CACNA2D4: variants seen among roughly 807,000 people sequenced by gnomAD.
CACNA2D4 encodes voltage-dependent calcium channel subunit alpha-2/delta-4.
In CACNA2D4, 157 loss-of-function variants were observed where a neutral mutation model predicts 163.8. The observed-to-expected ratio is 0.96, with a 90% CI of 0.84 to 1.09. CACNA2D4 has a LOEUF of 1.09. Ranked by LOEUF, CACNA2D4 falls within the 50% of genes least tolerant of loss-of-function variation. The pLI, the probability that CACNA2D4 is intolerant of heterozygous loss-of-function variation, is 0.00. For missense variants in CACNA2D4, 1,410 were observed against 1,479.9 expected (o/e 0.95, Z 0.78); for synonymous variants, 598 against 586.9 (o/e 1.02, Z -0.27).
At position 1,834,190 on chromosome 12, in the gene CACNA2D4, T is replaced by C. The variant is rs1163000996; in HGVS notation, c.2551+6549A>G. The C allele has an allele frequency of 2.0e-6, 3 of 1,482,572 alleles. No homozygotes were observed. Among genetic ancestry groups the C allele is most frequent in the Non-Finnish European group, 2.7e-6 (3 of 1,112,546 alleles). 91.8% of individuals were successfully genotyped at this position (1,482,572 alleles called of 1,614,324 possible). A position where few individuals can be genotyped will look rare whatever the true frequency, so the allele number is the denominator to read the frequency against. The stretch of plus-strand genomic sequence containing the variant: ...AAACTACCTTCTGGGGCTTCCGTTT[T>C]GGGGAGCTGGGGATGGGGAGAGGGA... On this transcript the variant is annotated intron_variant, in intron 26 of 37. Coordinates refer to ENST00000382722, the MANE Select transcript of CACNA2D4 (RefSeq NM_172364.5). The surrounding 1 kb of genome is among the most constrained non-coding windows in gnomAD (Gnocchi z 7.6).
intron 2 of CACNA2D4, 113 bp downstream of exon 2, chr12:1,914,741 A>G: frequency 1.4e-6 from 1 of 717,544 alleles, no homozygotes; most frequent in South Asian, 1.7e-5. Context: ...CCCCATCTGA[A>G]ATAAACCGAT....
Position 1,834,639 on chromosome 12 carries a change from G to C in CACNA2D4, c.2551+6100C>G, listed in dbSNP as rs762791910. The C allele has an allele frequency of 6.2e-7, 1 of 1,600,558 alleles. No homozygotes were observed. Among genetic ancestry groups the C allele is most frequent in the East Asian group, 2.2e-5 (1 of 44,866 alleles). On this transcript the variant is annotated intron_variant, in intron 26 of 37. Transcript: ENST00000382722. The surrounding 1 kb of genome is among the most constrained non-coding windows in gnomAD (Gnocchi z 7.6). ...GCCTCCCTCATGGCCAAGTACCACC[G>C]GGAGCTCAAAAAGCGCCAGCCCCTG...
intron 6 of CACNA2D4, 82 bp from the exon 7 acceptor site, chr12:1,887,151 G>T (rs1866168315): frequency 5.4e-6 from 5 of 926,112 alleles, no homozygotes; most frequent in Non-Finnish European, 8.6e-6. Context: ...CCCCAAGATG[G>T]CCATGATCCC....
chr12:1,802,644 C>CGT lies in CACNA2D4; in HGVS notation c.2722-1002_2722-1001dup, dbSNP rs1362865341. On this transcript the variant is annotated intron_variant, in intron 29 of 37. Coordinates refer to ENST00000382722, the MANE Select transcript of CACNA2D4 (RefSeq NM_172364.5). The surrounding 1 kb of genome is among the most constrained non-coding windows in gnomAD (Gnocchi z 4.7). ...GGCTGTCTTTAAAAATTGGGGATAG[C>CGT]GTGTGTCCGGCGTGTGGCTCCCAGT... Among the ~76,000 whole-genome samples, 2 of 152,168 alleles carry CGT rather than the reference C, an allele frequency of 1.3e-5. No individual in the cohort carries two copies. Among genetic ancestry groups the CGT allele is most frequent in the African/African-American group, 4.8e-5 (2 of 41,432 alleles).
In CACNA2D4 at chr12:1,846,655, C is replaced by G. The variant is rs1207374490; in HGVS notation, c.2281G>C (p.Gly761Arg). 18 of 1,603,212 alleles carry G rather than the reference C, an allele frequency of 1.1e-5. No individual in the cohort carries two copies. In the Admixed American group the frequency reaches 2.9e-4, roughly 26 times the overall value. The change falls in exon 24 of 38, where the codon GGC becomes CGC. Residue 761 changes from glycine to arginine, a missense_variant. By Grantham distance (125) the Gly-to-Arg change is moderately radical. Coordinates refer to ENST00000382722, the MANE Select transcript of CACNA2D4 (RefSeq NM_172364.5). ...CTTCTCAGGAGGCCAGCCCGGGTGC[C>G]CAGGAAGGCCATGTCCACCACGTGT... Reference protein sequence around the residue: ...SEHVVDMAFLGTRAGLLRSSL... With the variant: ...SEHVVDMAFLRTRAGLLRSSL...
At chr12:1,821,729 G>C (rs1399636973) in intron 26 of CACNA2D4, among the ~76,000 whole-genome samples, 1 of 152,146 alleles carries the variant, frequency 6.6e-6, no homozygotes, top group Non-Finnish European at 1.5e-5. Flanking sequence ...GACCCATTTG[G>C]ACAGTGCTGG....
chr12:1,916,827 G>A (rs1866994907), intron 1 of CACNA2D4, among the ~76,000 whole-genome samples: 2 of 152,252 alleles, frequency 1.3e-5, no homozygotes, highest in South Asian at 2.1e-4. Flanking sequence ...AGAGAGGTTC[G>A]GCGGGAGTGA....
intron 26 of CACNA2D4, chr12:1,827,846 G>A (rs575561561): frequency 1.2e-4 from 44 of 353,124 alleles, no homozygotes; most frequent in Non-Finnish European, 1.9e-4. Context: ...CCAGCTTTGC[G>A]GCACTGTGCC....
chr12:1,863,653 C>T (rs1365200115), intron 18 of CACNA2D4, among the ~76,000 whole-genome samples: 1 of 152,058 alleles, frequency 6.6e-6, no homozygotes, highest in Non-Finnish European at 1.5e-5. Context: ...TAAATTTATT[C>T]CTAAGTATTT....
At chr12:1,915,491 C>T (rs1333507523) in intron 1 of CACNA2D4, among the ~76,000 whole-genome samples, 1 of 152,188 alleles carries the variant, frequency 6.6e-6, no homozygotes, top group East Asian at 1.9e-4. Flanking sequence ...CAGCTGTGGC[C>T]TCTCAATAAA....
At position 1,831,015 on chromosome 12, in the gene CACNA2D4, C is replaced by G. The variant is rs1203840551; in HGVS notation, c.2551+9724G>C. 5.0e-6 allele frequency: 8 copies of G among 1,614,032 alleles called. No homozygotes were observed. The South Asian group carries it at 8.8e-5, about 18-fold the overall frequency. On this transcript the variant is annotated intron_variant, in intron 26 of 37. Coordinates refer to ENST00000382722, the MANE Select transcript of CACNA2D4 (RefSeq NM_172364.5). ...CTCCTGCAAGTGTGACAGCCGCAGC[C>G]TGGAGGTGGACTGCAGTGGCCTTGG... is the stretch of plus-strand genomic sequence containing the variant.
intron 6 of CACNA2D4, among the ~76,000 whole-genome samples, chr12:1,895,263 C>T (rs1362221120): frequency 6.6e-6 from 1 of 151,942 alleles, no homozygotes; most frequent in Non-Finnish European, 1.5e-5. Flanking sequence ...TGTTTATGGA[C>T]TGGGATAATT....
intron 4 of CACNA2D4, 126 bp downstream of exon 4, chr12:1,909,780 G>A (rs1866768259): frequency 1.3e-6 from 1 of 743,748 alleles, no homozygotes; most frequent in Non-Finnish European, 2.3e-6. Context: ...CCTGTGAGGG[G>A]TGAGCAGTAA....
At chr12:1,887,859 G>A (rs1409935833) in intron 6 of CACNA2D4, among the ~76,000 whole-genome samples, 1 of 152,210 alleles carries the variant, frequency 6.6e-6, no homozygotes, top group Non-Finnish European at 1.5e-5. Flanking sequence ...AATGATTGTA[G>A]CAGTATTATG....
chr12:1,846,186 C>T (rs947944668), intron 24 of CACNA2D4, among the ~76,000 whole-genome samples: 16 of 152,174 alleles, frequency 1.1e-4, no homozygotes, highest in Non-Finnish European at 1.5e-4. Flanking sequence ...AAGATTCAGC[C>T]TGTCACACAG....
intron 18 of CACNA2D4, among the ~76,000 whole-genome samples, chr12:1,868,053 T>C (rs1447477965): frequency 2.0e-5 from 3 of 152,138 alleles, no homozygotes; most frequent in Non-Finnish European, 4.4e-5. Context: ...GAAAACAATA[T>C]GGAGGAGCCT....
At position 1,834,206 on chromosome 12, in the gene CACNA2D4, G is replaced by C. The variant is rs950112154; in HGVS notation, c.2551+6533C>G. ...CTTCCGTTTTGGGGAGCTGGGGATGGGGAGAGGGAGTGCAAGTTCTAGATG... is the reference window on the plus strand; with the variant it reads ...CTTCCGTTTTGGGGAGCTGGGGATGCGGAGAGGGAGTGCAAGTTCTAGATG... On this transcript the variant is annotated intron_variant, in intron 26 of 37. Coordinates refer to ENST00000382722, the MANE Select transcript of CACNA2D4 (RefSeq NM_172364.5). The surrounding 1 kb of genome is among the most constrained non-coding windows in gnomAD (Gnocchi z 7.6). 3.8e-5 allele frequency: 57 copies of C among 1,505,460 alleles called. No individual in the cohort carries two copies. The highest frequency in any genetic ancestry group is 2.2e-5 in the Admixed American group (1 of 44,710). 93.3% of individuals were successfully genotyped at this position (1,505,460 alleles called of 1,614,324 possible).
At chr12:1,818,788 A>G (rs1234785790) in intron 26 of CACNA2D4, among the ~76,000 whole-genome samples, 2 of 114,630 alleles carry the variant, frequency 1.7e-5, no homozygotes, top group Admixed American at 8.9e-5. Context: ...TAAATAAATT[A>G]AAAAAAAAAA....
intron 23 of CACNA2D4, among the ~76,000 whole-genome samples, chr12:1,848,379 C>T (rs564759861): frequency 1.3e-5 from 2 of 152,318 alleles, no homozygotes; most frequent in Admixed American, 6.5e-5. Context: ...CTCTGTGTCC[C>T]CTGCATTGCC....
Sources: gnomAD v4.1 joint callset for allele counts (sites outside exome capture counted in the v4.1 genomes callset) on GRCh38, gnomAD v4.1.1 for gene constraint, Gnocchi (gnomAD v3.1) non-coding constraint, MANE v1.5 for transcripts, NCBI Gene and HGNC (gene_info 2026-07-23, HGNC 2026-07-21) for gene names.